Variants in GALNT11 observed in about 807,000 individuals in gnomAD.
The protein encoded by GALNT11 is polypeptide N-acetylgalactosaminyltransferase 11.
In GALNT11, 47 loss-of-function variants were observed where a neutral mutation model predicts 72.7. The ratio of observed to expected loss-of-function variants is 0.65; its 90% confidence interval spans 0.51 to 0.82. GALNT11 has a LOEUF of 0.82. Among genes scored for constraint, GALNT11 ranks in the 40% least tolerant of loss-of-function variants. GALNT11 has a pLI of 0.00. For synonymous variants in GALNT11, 270 were observed against 286.6 expected (o/e 0.94, Z 0.58); for missense variants, 677 against 778.4 (o/e 0.87, Z 1.55).
intron 1 of GALNT11, among the ~76,000 whole-genome samples, chr7:152,035,666 T>A (rs1330464420): frequency 6.6e-6 from 1 of 152,240 alleles, no homozygotes; most frequent in Non-Finnish European, 1.5e-5. Flanking sequence ...CCGGAAAGCC[T>A]GACACCCGTG....
rs767704006 is a variant in GALNT11, at chr7:152,113,325, G to T, written c.1160G>T (p.Gly387Val). Residue 387 changes from glycine to valine, a missense_variant, in exon 8 of 12, where the codon GGA becomes GTA. Physicochemically the swap from Gly to Val is moderately radical, Grantham distance 109 (BLOSUM62 -3). Coordinates refer to ENST00000430044, the MANE Select transcript of GALNT11 (RefSeq NM_022087.4). ...GHIFRKRRPYGSPEGQDTMTH... is the reference protein window; with the variant it reads ...GHIFRKRRPYVSPEGQDTMTH... ...ATTTTCCGAAAAAGGCGACCATATG[G>T]ATCTCCCGAAGGCCAGGACACCATG... 1 of 1,614,116 alleles carries T rather than the reference G, an allele frequency of 6.2e-7. No homozygotes were observed. Among genetic ancestry groups the T allele is most frequent in the Non-Finnish European group, 8.5e-7 (1 of 1,180,018 alleles).
chr7:152,089,981 A>G (rs1327387288), intron 1 of GALNT11, among the ~76,000 whole-genome samples: 1 of 152,218 alleles, frequency 6.6e-6, no homozygotes, highest in Non-Finnish European at 1.5e-5. Context: ...CCGAGCAGTA[A>G]GGGATTATAG....
chr7:152,066,851 T>G (rs566449258), intron 1 of GALNT11, among the ~76,000 whole-genome samples: 53 of 152,256 alleles, frequency 3.5e-4, no homozygotes, highest in Non-Finnish European at 4.6e-4. Flanking sequence ...AGGAGTAACA[T>G]CAAAGATCAT....
At chr7:152,115,913 G>A (rs185218487) in intron 8 of GALNT11, among the ~76,000 whole-genome samples, 1,753 of 152,158 alleles carry the variant, frequency 0.012, 36 homozygotes, top group African/African-American at 0.041. Flanking sequence ...AAAATTAGCC[G>A]GGTGTGGTGG....
At chr7:152,028,632 C>G (rs1470725391) in intron 1 of GALNT11, among the ~76,000 whole-genome samples, 4 of 152,186 alleles carry the variant, frequency 2.6e-5, no homozygotes, top group South Asian at 2.1e-4. Flanking sequence ...GAGTAGTTCT[C>G]CAAGTCCCCA....
chr7:152,111,211 AT>A (rs2088156847), intron 7 of GALNT11, among the ~76,000 whole-genome samples: 1 of 151,700 alleles, frequency 6.6e-6, no homozygotes, highest in African/African-American at 2.4e-5. Context: ...GTAGAGTGGG[AT>A]GAATACAGTG....
intron 1 of GALNT11, among the ~76,000 whole-genome samples, chr7:152,089,704 A>G (rs568199577): frequency 5.7e-4 from 87 of 152,362 alleles, no homozygotes; most frequent in Admixed American, 3.1e-3. Flanking sequence ...AGGTACAAGG[A>G]CATAGAATGT....
chr7:152,098,475 CATTT>C (rs2086538958), intron 2 of GALNT11, among the ~76,000 whole-genome samples: 1 of 151,888 alleles, frequency 6.6e-6, no homozygotes, highest in Admixed American at 6.6e-5. Flanking sequence ...AACATTTTCT[CATTT>C]AATCTGAAAT....
chr7:152,039,124 T>C (rs1218479597), intron 1 of GALNT11, among the ~76,000 whole-genome samples: 1 of 152,208 alleles, frequency 6.6e-6, no homozygotes, highest in Non-Finnish European at 1.5e-5. Flanking sequence ...TCAGACCAGC[T>C]GAACATAGTG....
intron 5 of GALNT11, among the ~76,000 whole-genome samples, chr7:152,105,685 A>C (rs1194064595): frequency 6.6e-6 from 1 of 152,210 alleles, no homozygotes; most frequent in African/African-American, 2.4e-5. Flanking sequence ...GCCCAGACCA[A>C]AATGTAACTG....
intron 1 of GALNT11, among the ~76,000 whole-genome samples, chr7:152,064,180 T>A (rs1245784750): frequency 6.6e-6 from 1 of 152,216 alleles, no homozygotes; most frequent in Admixed American, 6.5e-5. Context: ...TAGTTAGCTC[T>A]TCTTGTTGAA....
chr7:152,094,506 A>G lies in GALNT11; in HGVS notation c.279A>G (p.Lys93=). The G allele has an allele frequency of 6.2e-7, 1 of 1,610,396 alleles. No homozygotes were observed. The highest frequency in any genetic ancestry group is 8.5e-7 in the Non-Finnish European group (1 of 1,177,760). The part of the protein sequence containing the change: ...RVEDPEEGHL[K]FSSELGMIFN... ...AAGATCCAGAAGAAGGCCACTTGAA[A>G]TTCTCTTCTGAATTAGGTAAGTATA... Residue 93 remains lysine, a synonymous_variant, in exon 2 of 12, where the codon AAA becomes AAG. Coordinates refer to ENST00000430044, the MANE Select transcript of GALNT11 (RefSeq NM_022087.4). This position sits in a 1 kb window ranked among gnomAD's most constrained non-coding sequence, Gnocchi z 4.3.
At position 152,120,937 on chromosome 7, in the gene GALNT11, G is replaced by A; in HGVS notation, c.1664G>A (p.Gly555Glu). 6.2e-7 allele frequency: 1 copy of A among 1,614,054 alleles called. No individual in the cohort carries two copies. The highest frequency in any genetic ancestry group is 1.3e-5 in the African/African-American group (1 of 75,036). ...SDPPRLMKCHGSGGSQQWTFG... is the reference protein window; with the variant it reads ...SDPPRLMKCHESGGSQQWTFG... ...CCGCCACGGCTCATGAAATGCCACG[G>A]GTCAGGAGGATCCCAGCAGTGGACC... Residue 555 changes from glycine (G) to glutamate (E), a missense_variant, in exon 11 of 12, where the codon GGG becomes GAG. Coordinates refer to ENST00000430044, the MANE Select transcript of GALNT11 (RefSeq NM_022087.4).
At chr7:152,030,825 C>G (rs890206934) in intron 1 of GALNT11, among the ~76,000 whole-genome samples, 1 of 152,068 alleles carries the variant, frequency 6.6e-6, no homozygotes, top group Non-Finnish European at 1.5e-5. Flanking sequence ...TTTTCTGTTT[C>G]TTTCTCTCTT....
intron 1 of GALNT11, chr7:152,079,350 C>T (rs1372349456): frequency 1.3e-5 from 2 of 152,256 alleles, no homozygotes; most frequent in East Asian, 3.9e-4. Context: ...TGAAGAATAA[C>T]AGCCTCTACC....
At chr7:152,110,750 A>T in intron 7 of GALNT11, 105 bp downstream of exon 7, 1 of 913,262 alleles carries the variant, frequency 1.1e-6, no homozygotes. Context: ...TTTTTTTTCG[A>T]GATAGGGTCT....
chr7:152,088,787 T>C (rs2085818009), intron 1 of GALNT11, among the ~76,000 whole-genome samples: 1 of 152,224 alleles, frequency 6.6e-6, no homozygotes, highest in African/African-American at 2.4e-5. Context: ...AGGTTCCTGA[T>C]TTTCCAGAGT....
At chr7:152,087,831 T>TCATTTGATTCTGAGTATCC (rs2085749921) in intron 1 of GALNT11, among the ~76,000 whole-genome samples, 2 of 152,252 alleles carry the variant, frequency 1.3e-5, no homozygotes. Context: ...TCTGAGTATT[T>TCATTTGATTCTGAGTATCC]CATTTGATTC....
chr7:152,038,063 C>G (rs2082669468), intron 1 of GALNT11, among the ~76,000 whole-genome samples: 1 of 152,178 alleles, frequency 6.6e-6, no homozygotes, highest in Middle Eastern at 3.2e-3. Context: ...AGCCACTGTG[C>G]CCAGCCCGTC....
Sources: gnomAD v4.1 joint callset for allele counts (sites outside exome capture counted in the v4.1 genomes callset) on GRCh38, gnomAD v4.1.1 for gene constraint, Gnocchi (gnomAD v3.1) non-coding constraint, MANE v1.5 for transcripts, NCBI Gene and HGNC (gene_info 2026-07-23, HGNC 2026-07-21) for gene names.